MAST4: variants seen among roughly 807,000 people sequenced by gnomAD.
MAST4 encodes microtubule-associated serine/threonine-protein kinase 4.
In MAST4, 89 loss-of-function variants were observed where a neutral mutation model predicts 162.7. That is an observed-to-expected ratio of 0.55 (90% CI 0.46 to 0.65). MAST4 has a LOEUF of 0.65. Among genes scored for constraint, MAST4 ranks in the 30% least tolerant of loss-of-function variants. The pLI, the probability that MAST4 is intolerant of heterozygous loss-of-function variation, is 0.00. For missense variants in MAST4, 3,153 were observed against 3,374.0 expected, an observed-to-expected ratio of 0.93 and a Z score of 1.62; for synonymous variants, 1,479 against 1,361.1, an observed-to-expected ratio of 1.09 and a Z score of -1.91.
intron 4 of MAST4, among the ~76,000 whole-genome samples, chr5:66,967,148 T>C (rs1382522064): frequency 6.6e-6 from 1 of 152,232 alleles, no homozygotes; most frequent in African/African-American, 2.4e-5. Context: ...TTATTCCTTT[T>C]TCATGGTGGG....
chr5:66,920,434 C>A (rs71626475), intron 4 of MAST4, among the ~76,000 whole-genome samples: 4,989 of 151,984 alleles, frequency 0.033, 152 homozygotes, highest in African/African-American at 0.076. Flanking sequence ...ATTTAAAAAC[C>A]GTAAAAATCA....
chr5:66,678,287 G>A (rs1748089538), intron 1 of MAST4, among the ~76,000 whole-genome samples: 1 of 152,036 alleles, frequency 6.6e-6, no homozygotes, highest in South Asian at 2.1e-4. Context: ...GGAGAAGTTG[G>A]TCAAAGGGTA....
intron 4 of MAST4, among the ~76,000 whole-genome samples, chr5:67,008,601 T>C (rs893362476): frequency 6.6e-6 from 1 of 152,236 alleles, no homozygotes; most frequent in Non-Finnish European, 1.5e-5. Flanking sequence ...CATGTTTTCA[T>C]TTTGCTTAAT....
intron 4 of MAST4, among the ~76,000 whole-genome samples, chr5:66,991,920 A>G (rs1260749140): frequency 6.6e-6 from 1 of 152,162 alleles, no homozygotes; most frequent in African/African-American, 2.4e-5. Flanking sequence ...AAGCAGTGTT[A>G]TTTGAAGGTA....
chr5:66,806,765 T>C (rs1756209086), intron 3 of MAST4, among the ~76,000 whole-genome samples: 2 of 152,042 alleles, frequency 1.3e-5, no homozygotes, highest in African/African-American at 4.8e-5. Context: ...TGCATCCTAG[T>C]AACATGTGAT....
rs747493837 is a variant in MAST4 at position 67,089,220 on chromosome 5, G to A, written c.764-942G>A. Among the ~76,000 whole-genome samples the A allele has an allele frequency of 2.0e-4, 30 of 152,302 alleles. 1 individual carries two copies. The Middle Eastern group carries it at 0.014, about 69-fold the overall frequency. ...ATTTAAACCAGCTACAGTTCCATGT[G>A]GTCCTCAGACAATTCCGCCAATCTA... On this transcript the variant is annotated intron_variant, in intron 5 of 28. Coordinates refer to ENST00000403625, the MANE Select transcript of MAST4 (RefSeq NM_001164664.2).
intron 4 of MAST4, among the ~76,000 whole-genome samples, chr5:66,931,808 C>T (rs146646170): frequency 1.3e-5 from 2 of 152,080 alleles, no homozygotes; most frequent in South Asian, 2.1e-4. Flanking sequence ...CAGCGCAGGA[C>T]TATAATAGTT....
chr5:66,604,630 G>T (rs1388918636), intron 1 of MAST4, among the ~76,000 whole-genome samples: 2 of 152,214 alleles, frequency 1.3e-5, no homozygotes, highest in Non-Finnish European at 2.9e-5. Context: ...TCAGATGTGG[G>T]TCTTTTGGCC....
chr5:66,656,153 G>T (rs1046861765), intron 1 of MAST4, among the ~76,000 whole-genome samples: 2 of 152,182 alleles, frequency 1.3e-5, no homozygotes, highest in Non-Finnish European at 2.9e-5. Flanking sequence ...GGCACAAGGG[G>T]GCCTGGTACA....
chr5:66,797,414 A>T (rs954879394), intron 3 of MAST4, among the ~76,000 whole-genome samples: 9 of 152,124 alleles, frequency 5.9e-5, no homozygotes, highest in African/African-American at 2.2e-4. Context: ...TATAATGAGT[A>T]GTAGTGGTAA....
In MAST4 at chr5:67,163,026, C is replaced by A; in HGVS notation, c.3968-121C>A. The A allele has an allele frequency of 8.3e-7, 1 of 1,206,100 alleles. No individual in the cohort carries two copies. Among genetic ancestry groups the A allele is most frequent in the Non-Finnish European group, 1.2e-6 (1 of 859,510 alleles). The allele number at this position is 1,206,100 out of a possible 1,614,324, so 74.7% of individuals were successfully genotyped here. ...ATCTGAAAAGTGTTTATTCCACTAG[C>A]TAAATGCTGAGACAATTTGCTGATC... On this transcript the variant is annotated intron_variant, in intron 28 of 28. Transcript: ENST00000403625. The surrounding 1 kb of genome is among the most constrained non-coding windows in gnomAD (Gnocchi z 7.0).
chr5:66,597,534 G>A (rs796424062), intron 1 of MAST4, among the ~76,000 whole-genome samples: 2 of 142,402 alleles, frequency 1.4e-5, no homozygotes, highest in Admixed American at 1.4e-4. Flanking sequence ...TCGCCCGCGG[G>A]TGGTTTTGGC....
chr5:67,042,288 A>G (rs1756847719), intron 4 of MAST4, among the ~76,000 whole-genome samples: 1 of 152,174 alleles, frequency 6.6e-6, no homozygotes, highest in Non-Finnish European at 1.5e-5. Context: ...CTGTTACCCC[A>G]CAAATAACAA....
chr5:66,725,169 T>A (rs964654851), intron 1 of MAST4, among the ~76,000 whole-genome samples: 18 of 152,128 alleles, frequency 1.2e-4, no homozygotes, highest in African/African-American at 7.2e-5. Context: ...TATACTTTTT[T>A]AAAAAAATCA....
chr5:66,837,571 C>T (rs778611015), intron 3 of MAST4, among the ~76,000 whole-genome samples: 1 of 151,970 alleles, frequency 6.6e-6, no homozygotes, highest in African/African-American at 2.4e-5. Context: ...TAATTTGGTG[C>T]ATGTCTCTAA....
At chr5:66,802,189 C>A (rs1202339817) in intron 3 of MAST4, among the ~76,000 whole-genome samples, 2 of 152,062 alleles carry the variant, frequency 1.3e-5, no homozygotes, top group African/African-American at 2.4e-5. Flanking sequence ...AGATGATTTG[C>A]AATTTAGATT....
At chr5:66,656,052 A>C (rs1746522064) in intron 1 of MAST4, among the ~76,000 whole-genome samples, 1 of 152,204 alleles carries the variant, frequency 6.6e-6, no homozygotes. Flanking sequence ...GAGATAAACC[A>C]AGAATCTGGG....
chr5:66,660,597 C>G (rs531155346), intron 1 of MAST4, among the ~76,000 whole-genome samples: 1 of 152,300 alleles, frequency 6.6e-6, no homozygotes, highest in African/African-American at 2.4e-5. Flanking sequence ...TTTGCAGTAT[C>G]TTGAAATTTG....
chr5:66,943,805 G>A (rs921846986), intron 4 of MAST4, among the ~76,000 whole-genome samples: 3 of 152,082 alleles, frequency 2.0e-5, no homozygotes, highest in Non-Finnish European at 2.9e-5. Flanking sequence ...GGCTACACTT[G>A]ATGAGCATGC....
Sources: gnomAD v4.1 joint callset for allele counts (sites outside exome capture counted in the v4.1 genomes callset) on GRCh38, gnomAD v4.1.1 for gene constraint, Gnocchi (gnomAD v3.1) non-coding constraint, MANE v1.5 for transcripts, NCBI Gene and HGNC (gene_info 2026-07-23, HGNC 2026-07-21) for gene names.